Variants in C5orf58 observed in about 807,000 individuals in gnomAD.
C5orf58 encodes the protein putative uncharacterized protein C5orf58.
C5orf58 carries 2 observed loss-of-function variants against 2.9 expected under a neutral mutation model. That is an observed-to-expected ratio of 0.69 (90% confidence interval 0.28 to 2.18). The LOEUF (loss-of-function observed/expected upper bound fraction) is 2.18, where lower values mean the gene tolerates loss of function less well. C5orf58 is among the 30% of genes most tolerant of loss of function. C5orf58 has a pLI of 0.13. For missense variants in C5orf58, 96 were observed against 91.7 expected (o/e 1.05, Z -0.19); for synonymous variants, 37 against 33.4 (o/e 1.11, Z -0.37).
At chr5:170,245,559 C>T (rs534516507) in intron 3 of C5orf58, among the ~76,000 whole-genome samples, 51 of 152,336 alleles carry the variant, frequency 3.3e-4, no homozygotes, top group Admixed American at 9.8e-4. Flanking sequence ...TCACCCCTTT[C>T]TTTGACTCGG....
chr5:170,247,774 A>G (rs1238148086), downstream of C5orf58: 2 of 152,206 alleles, frequency 1.3e-5, no homozygotes, highest in African/African-American at 2.4e-5. Flanking sequence ...GTCTGATCAC[A>G]TTTAATCTAA....
chr5:170,250,532 A>G (rs768556030), downstream of C5orf58, among the ~76,000 whole-genome samples: 2 of 152,258 alleles, frequency 1.3e-5, no homozygotes, highest in Non-Finnish European at 2.9e-5. Context: ...GAAAAGATAT[A>G]CAAGAAAGAA....
Position 170,233,000 on chromosome 5 carries a change from T to G in C5orf58, c.-92T>G, listed in dbSNP as rs1283097921. ...GCTCCTGTCAGAACCTCGGTGACGG[T>G]TGGCCAGGTGGGTAGTGACGGCTGC... is the stretch of plus-strand genomic sequence containing the variant. On this transcript the variant is annotated 5_prime_UTR_variant, in exon 1 of 4. Coordinates refer to ENST00000593851, the MANE Select transcript of C5orf58 (RefSeq NM_001102609.3). 2 of 984,634 alleles carry G rather than the reference T, an allele frequency of 2.0e-6. No homozygotes were observed. Among genetic ancestry groups the G allele is most frequent in the Non-Finnish European group, 2.4e-6 (2 of 829,224 alleles). The allele number at this position is 984,634 out of a possible 1,614,324, so 61.0% of individuals were successfully genotyped here.
chr5:170,252,558 A>G (rs1359396252), downstream of C5orf58: 4 of 954,898 alleles, frequency 4.2e-6, no homozygotes, highest in Non-Finnish European at 6.5e-6. Context: ...ACAGTTACAG[A>G]TGTAAGTGAA....
At chr5:170,250,222 A>T (rs958848652), downstream of C5orf58, among the ~76,000 whole-genome samples, 2 of 152,208 alleles carry the variant, frequency 1.3e-5, no homozygotes, top group African/African-American at 4.8e-5. Context: ...TCAAAAAGTG[A>T]CTGGCATGAG....
intron 3 of C5orf58, among the ~76,000 whole-genome samples, chr5:170,240,376 GTTT>G (rs1166354710): frequency 1.1e-4 from 16 of 140,284 alleles, no homozygotes; most frequent in African/African-American, 4.3e-4. Context: ...GGTTGAACTA[GTTT>G]ACAGTCCCAC....
chr5:170,233,185 T>C (rs1173429541), intron 1 of C5orf58, 178 bp downstream of exon 1: 1 of 158,674 alleles, frequency 6.3e-6, no homozygotes, highest in East Asian at 1.9e-4. Context: ...AGGGGACGGT[T>C]GGCTGGGTGG....
downstream of C5orf58, chr5:170,250,652 T>G: frequency 8.6e-7 from 1 of 1,165,726 alleles, no homozygotes; most frequent in East Asian, 2.3e-5. Context: ...GCACGGACTC[T>G]CAAAGATCGC....
downstream of C5orf58, among the ~76,000 whole-genome samples, chr5:170,250,268 C>T (rs141862082): frequency 7.2e-5 from 11 of 152,248 alleles, no homozygotes; most frequent in South Asian, 2.1e-4. Context: ...ATTTCTTTGG[C>T]GATCTGGCCA....
intron 3 of C5orf58, among the ~76,000 whole-genome samples, chr5:170,245,453 A>T (rs1043560986): frequency 6.6e-6 from 1 of 152,144 alleles, no homozygotes; most frequent in Middle Eastern, 3.2e-3. Flanking sequence ...CTTCCAAGCC[A>T]GGTGCGGGAT....
At position 170,234,160 on chromosome 5, in the gene C5orf58, C is replaced by A; in HGVS notation, c.-39C>A. The A allele has an allele frequency of 7.3e-7, 1 of 1,367,498 alleles. No homozygotes were observed. The allele number at this position is 1,367,498 out of a possible 1,614,324, so 84.7% of individuals were successfully genotyped here. A position where few individuals can be genotyped will look rare whatever the true frequency, so the allele number is the denominator to read the frequency against. Reference sequence around the variant, plus strand: ...AATGAGAGAAATTGCAGAAATTCTCCCTGCTCAGGAAAAGGTAGAGGCAAG... The same window carrying A: ...AATGAGAGAAATTGCAGAAATTCTCACTGCTCAGGAAAAGGTAGAGGCAAG... On this transcript the variant is annotated 5_prime_UTR_variant, in exon 2 of 4. Coordinates refer to ENST00000593851, the MANE Select transcript of C5orf58 (RefSeq NM_001102609.3).
At chr5:170,245,292 G>A (rs1761215290) in intron 3 of C5orf58, among the ~76,000 whole-genome samples, 2 of 152,220 alleles carry the variant, frequency 1.3e-5, no homozygotes, top group South Asian at 2.1e-4. Context: ...GAGCTGTGGT[G>A]GGCTCCACCC....
chr5:170,235,087 T>A lies in C5orf58; in HGVS notation c.94+17T>A. ...AGATAAAAGGTAAGTATTGAATCAC[T>A]AAAATGTTTGCATGTCATTGTTATA... On this transcript the variant is annotated intron_variant, in intron 3 of 3. Coordinates refer to ENST00000593851, the MANE Select transcript of C5orf58 (RefSeq NM_001102609.3). The A allele has an allele frequency of 8.2e-7, 1 of 1,216,934 alleles. No homozygotes were observed. Among genetic ancestry groups the A allele is most frequent in the Non-Finnish European group, 1.2e-6 (1 of 849,026 alleles). 75.4% of individuals were successfully genotyped at this position (1,216,934 alleles called of 1,614,324 possible). A position where few individuals can be genotyped will look rare whatever the true frequency, so the allele number is the denominator to read the frequency against.
downstream of C5orf58, among the ~76,000 whole-genome samples, chr5:170,249,996 A>C (rs1485852160): frequency 6.6e-6 from 1 of 152,124 alleles, no homozygotes; most frequent in Non-Finnish European, 1.5e-5. Flanking sequence ...GATCACAAGC[A>C]TGCATTTTTT....
chr5:170,236,808 A>G (rs922679559), intron 3 of C5orf58, among the ~76,000 whole-genome samples: 3 of 152,214 alleles, frequency 2.0e-5, no homozygotes, highest in African/African-American at 7.2e-5. Context: ...GTCTCTTACA[A>G]TGGAAAACTT....
At chr5:170,240,203 C>A (rs1472362656) in intron 3 of C5orf58, among the ~76,000 whole-genome samples, 1 of 151,388 alleles carries the variant, frequency 6.6e-6, no homozygotes, top group Non-Finnish European at 1.5e-5. Context: ...GGTTCCAAGT[C>A]TTTGCTATTG....
downstream of C5orf58, chr5:170,248,161 G>T (rs10039796): frequency 2.0e-4 from 30 of 152,330 alleles, no homozygotes; most frequent in African/African-American, 7.0e-4. Flanking sequence ...ACGTAAAAAT[G>T]CCCCCAGGAA....
At chr5:170,243,600 C>T (rs1190719996) in intron 3 of C5orf58, among the ~76,000 whole-genome samples, 1 of 150,752 alleles carries the variant, frequency 6.6e-6, no homozygotes, top group Admixed American at 6.6e-5. Context: ...AGGATCGCAA[C>T]CCCTGCCTTT....
downstream of C5orf58, chr5:170,248,681 G>C: frequency 6.4e-7 from 1 of 1,573,162 alleles, no homozygotes; most frequent in Non-Finnish European, 8.6e-7. Context: ...CGGTTCATTT[G>C]CTCGGCTATA....
Sources: allele counts gnomAD v4.1 joint callset (sites outside exome capture counted in the v4.1 genomes callset), GRCh38; gene constraint gnomAD v4.1.1; transcripts MANE v1.5; gene names NCBI Gene and HGNC (gene_info 2026-07-23, HGNC 2026-07-21).